Variants in NRXN1 observed in about 807,000 individuals in gnomAD.
The protein encoded by NRXN1 is neurexin-1.
In NRXN1, 39 loss-of-function variants were observed where a neutral mutation model predicts 150.9. The ratio of observed to expected loss-of-function variants is 0.26; its 90% CI spans 0.20 to 0.34. NRXN1 has a LOEUF of 0.34. Ranked by LOEUF, NRXN1 falls within the 10% of genes least tolerant of loss-of-function variation. The pLI is 1.00. For synonymous variants in NRXN1, 924 were observed against 757.0 expected, an observed-to-expected ratio of 1.22 and a Z score of -3.62; for missense variants, 1,815 against 1,949.9, an observed-to-expected ratio of 0.93 and a Z score of 1.30.
At chr2:50,058,237 TAACA>T (rs1199588090) in intron 19 of NRXN1, among the ~76,000 whole-genome samples, 1 of 152,078 alleles carries the variant, frequency 6.6e-6, no homozygotes, top group African/African-American at 2.4e-5. Context: ...TCCCAATGAT[TAACA>T]GAGGTCACCT....
intron 15 of NRXN1, among the ~76,000 whole-genome samples, chr2:50,475,448 T>C (rs1219759036): frequency 6.6e-6 from 1 of 152,062 alleles, no homozygotes. Flanking sequence ...AATTCTAAAA[T>C]GCACCAACTT....
chr2:50,530,549 T>C (rs752458002), intron 11 of NRXN1, among the ~76,000 whole-genome samples: 8 of 152,218 alleles, frequency 5.3e-5, no homozygotes, highest in Non-Finnish European at 1.0e-4. Flanking sequence ...GGTGAGGTTT[T>C]ACTGTAATGG....
intron 18 of NRXN1, among the ~76,000 whole-genome samples, chr2:50,195,413 T>A (rs552885612): frequency 5.5e-4 from 84 of 152,312 alleles, no homozygotes; most frequent in African/African-American, 2.0e-3. Flanking sequence ...TAATTCTGCA[T>A]TTTGTGCTAA....
intron 21 of NRXN1, chr2:49,970,292 GATTA>G (rs1460431721): frequency 1.3e-5 from 2 of 152,098 alleles, no homozygotes; most frequent in Non-Finnish European, 2.9e-5. Context: ...AGTTACTTAT[GATTA>G]ATCAAATGAA....
At chr2:50,365,193 C>G (rs999847221) in intron 17 of NRXN1, among the ~76,000 whole-genome samples, 1 of 151,684 alleles carries the variant, frequency 6.6e-6, no homozygotes, top group African/African-American at 2.4e-5. Flanking sequence ...AAATTGAAAA[C>G]TATGTAAATT....
intron 5 of NRXN1, among the ~76,000 whole-genome samples, chr2:50,837,780 T>C (rs1262436032): frequency 6.6e-6 from 1 of 152,144 alleles, no homozygotes; most frequent in African/African-American, 2.4e-5. Flanking sequence ...TGGTTAGAAA[T>C]GTGCTTGACA....
intron 18 of NRXN1, among the ~76,000 whole-genome samples, chr2:50,222,919 T>C (rs1265029117): frequency 2.0e-5 from 3 of 151,964 alleles, no homozygotes; most frequent in East Asian, 3.9e-4. Flanking sequence ...AGTGGGTATA[T>C]TATATGCTGT....
intron 5 of NRXN1, among the ~76,000 whole-genome samples, chr2:50,854,663 T>C (rs1485884491): frequency 6.6e-6 from 1 of 152,058 alleles, no homozygotes; most frequent in Non-Finnish European, 1.5e-5. Context: ...TTCTGACTAC[T>C]ATTCAAATCT....
chr2:50,831,404 T>C (rs1234481581), intron 5 of NRXN1, among the ~76,000 whole-genome samples: 3 of 152,206 alleles, frequency 2.0e-5, no homozygotes, highest in Non-Finnish European at 4.4e-5. Context: ...CATGTCTAAT[T>C]CCCTTTTTAT....
intron 17 of NRXN1, among the ~76,000 whole-genome samples, chr2:50,332,013 T>C (rs1246870755): frequency 6.6e-6 from 1 of 152,176 alleles, no homozygotes; most frequent in Non-Finnish European, 1.5e-5. Flanking sequence ...TAGGTGATTC[T>C]GATACAGTTT....
chr2:50,336,490 C>A (rs1020758316), intron 17 of NRXN1, among the ~76,000 whole-genome samples: 1 of 152,186 alleles, frequency 6.6e-6, no homozygotes, highest in Non-Finnish European at 1.5e-5. Context: ...AATTGTCAGT[C>A]TTTTCTCTAT....
intron 5 of NRXN1, among the ~76,000 whole-genome samples, chr2:50,695,921 C>A (rs1692768366): frequency 6.8e-6 from 1 of 147,726 alleles, no homozygotes; most frequent in African/African-American, 2.5e-5. Flanking sequence ...TGGCTCACTG[C>A]AACCTCTGCC....
intron 12 of NRXN1, among the ~76,000 whole-genome samples, chr2:50,512,887 G>A (rs1242420244): frequency 6.6e-6 from 1 of 152,100 alleles, no homozygotes; most frequent in East Asian, 1.9e-4. Flanking sequence ...GTGATGAAAC[G>A]GGTGTGTTTT....
chr2:50,766,869 T>A (rs888605242), intron 5 of NRXN1, among the ~76,000 whole-genome samples: 6 of 152,088 alleles, frequency 3.9e-5, no homozygotes, highest in African/African-American at 9.7e-5. Flanking sequence ...AAGTATTACA[T>A]GGACAAAACA....
At chr2:49,957,823 GA>G (rs1171745581) in intron 21 of NRXN1, among the ~76,000 whole-genome samples, 1 of 152,116 alleles carries the variant, frequency 6.6e-6, no homozygotes, top group African/African-American at 2.4e-5. Flanking sequence ...AGGGACTTAG[GA>G]GTATATCCCA....
At chr2:50,068,118 C>T (rs1410038049) in intron 19 of NRXN1, among the ~76,000 whole-genome samples, 2 of 152,114 alleles carry the variant, frequency 1.3e-5, no homozygotes, top group African/African-American at 4.8e-5. Context: ...ACATTCTGAT[C>T]TTATTTTCAA....
At chr2:50,593,488 T>C (rs1674628619) in intron 8 of NRXN1, among the ~76,000 whole-genome samples, 1 of 152,204 alleles carries the variant, frequency 6.6e-6, no homozygotes, top group South Asian at 2.1e-4. Context: ...TCTTTGATAC[T>C]ATCAATTTTA....
At chr2:50,055,363 C>CA (rs764340587) in intron 19 of NRXN1, among the ~76,000 whole-genome samples, 33 of 152,228 alleles carry the variant, frequency 2.2e-4, no homozygotes, top group Non-Finnish European at 3.5e-4. Context: ...CCAATGACCT[C>CA]AGGGTTTTGT....
intron 19 of NRXN1, among the ~76,000 whole-genome samples, chr2:50,074,769 T>C (rs921150444): frequency 1.3e-5 from 2 of 152,206 alleles, no homozygotes. Flanking sequence ...ACTACTCTTG[T>C]TCATGCTATT....
Sources: gnomAD v4.1 joint callset for allele counts (sites outside exome capture counted in the v4.1 genomes callset) on GRCh38, gnomAD v4.1.1 for gene constraint, MANE v1.5 for transcripts, NCBI Gene and HGNC (gene_info 2026-07-23, HGNC 2026-07-21) for gene names.